The following RFTN1 variants were observed in gnomAD, a reference collection of about 807,000 sequenced individuals.
RFTN1 encodes raftlin, lipid raft linker 1, also known as raftlin.
RFTN1 carries 26 observed loss-of-function variants against 46.5 expected under a neutral mutation model. The ratio of observed to expected loss-of-function variants is 0.56; its 90% CI spans 0.41 to 0.78. RFTN1 has a LOEUF of 0.78. RFTN1 is among the 30% of genes least tolerant of loss of function. RFTN1 has a pLI of 0.00. For synonymous variants in RFTN1, 261 were observed against 284.2 expected (o/e 0.92, Z 0.82); for missense variants, 693 against 718.7 (o/e 0.96, Z 0.41).
chr3:16,412,003 T>C (rs1245621988), intron 3 of RFTN1, among the ~76,000 whole-genome samples: 1 of 152,200 alleles, frequency 6.6e-6, no homozygotes, highest in Non-Finnish European at 1.5e-5. Flanking sequence ...AAGTACCATC[T>C]CTGGTTCTGG....
At chr3:16,396,601 T>C (rs1194283315) in intron 4 of RFTN1, among the ~76,000 whole-genome samples, 1 of 152,198 alleles carries the variant, frequency 6.6e-6, no homozygotes, top group Non-Finnish European at 1.5e-5. Flanking sequence ...GCTCCAAATC[T>C]TTCCCTCCAT....
rs554957262 is a variant in RFTN1 at position 16,483,365 on chromosome 3, A to G, written c.145+10360T>C. 7.2e-5 allele frequency among the ~76,000 whole-genome samples: 11 copies of G among 152,150 alleles called. No individual in the cohort carries two copies. The highest frequency in any genetic ancestry group is 1.6e-4 in the Non-Finnish European group (11 of 67,984). Reference sequence around the variant, plus strand: ...CCTGTAAAGCACCCCCCTCCCTCCCAGAACCTGCAGGCACCAGCAGCCAGG... The same window carrying G: ...CCTGTAAAGCACCCCCCTCCCTCCCGGAACCTGCAGGCACCAGCAGCCAGG... On this transcript the variant is annotated intron_variant, in intron 2 of 9. Transcript: ENST00000334133. The surrounding 1 kb of genome is among the most constrained non-coding windows in gnomAD (Gnocchi z 4.8).
chr3:16,370,619 G>A lies in RFTN1; in HGVS notation c.827-340C>T, dbSNP rs1357359523. On this transcript the variant is annotated intron_variant, in intron 5 of 9. Transcript: ENST00000334133. The surrounding 1 kb of genome is among the most constrained non-coding windows in gnomAD (Gnocchi z 5.5). ...TGGTTCTAGAAATTCATACAAAGAT[G>A]TGTTTTAGAAATAAAAGCAGACATA... 6.6e-6 allele frequency among the ~76,000 whole-genome samples: 1 copy of A among 152,190 alleles called. No individual in the cohort carries two copies. Among genetic ancestry groups the A allele is most frequent in the Non-Finnish European group, 1.5e-5 (1 of 68,030 alleles).
In RFTN1 at chr3:16,426,364, G is replaced by A. The variant is rs574800623; in HGVS notation, c.332+7487C>T. Among the ~76,000 whole-genome samples the A allele has an allele frequency of 5.3e-5, 8 of 152,182 alleles. No homozygotes were observed. In the South Asian group the frequency reaches 1.7e-3, roughly 32 times the overall value. ...AAAATTAGACATGAAAAGACACAAG[G>A]CCACTTAAAGAGGACACTTTCGACT... On this transcript the variant is annotated intron_variant, in intron 3 of 9. Transcript: ENST00000334133. The surrounding 1 kb of genome is among the most constrained non-coding windows in gnomAD (Gnocchi z 5.9).
At chr3:16,445,926 T>C (rs936210714) in intron 2 of RFTN1, among the ~76,000 whole-genome samples, 3 of 152,172 alleles carry the variant, frequency 2.0e-5, no homozygotes, top group African/African-American at 4.8e-5. Context: ...TTGAAGTTTT[T>C]TTTTTTTTCC....
Position 16,348,977 on chromosome 3 carries a change from A to C in RFTN1, c.1146+8955T>G, listed in dbSNP as rs554242676. On this transcript the variant is annotated intron_variant, in intron 7 of 9. Transcript: ENST00000334133. The surrounding 1 kb of genome is among the most constrained non-coding windows in gnomAD (Gnocchi z 6.3). ...GCTAAAAGAGGTAAAAGAGGGACAGACAGCCATCCCAGGCTCCACTATCCA... is the reference window on the plus strand; with the variant it reads ...GCTAAAAGAGGTAAAAGAGGGACAGCCAGCCATCCCAGGCTCCACTATCCA... 3.9e-5 allele frequency among the ~76,000 whole-genome samples: 6 copies of C among 152,210 alleles called. No individual in the cohort carries two copies. The highest frequency in any genetic ancestry group is 2.1e-4 in the South Asian group (1 of 4,832).
chr3:16,476,752 G>A (rs899045265), intron 2 of RFTN1, among the ~76,000 whole-genome samples: 1 of 152,148 alleles, frequency 6.6e-6, no homozygotes, highest in Non-Finnish European at 1.5e-5. Context: ...CATCGTGGGG[G>A]AAACTGTTTG....
At position 16,365,088 on chromosome 3, in the gene RFTN1, G is replaced by A. The variant is rs192724052; in HGVS notation, c.1030+4988C>T. ...TGAGAAAATGCATTTAATGGCATAC[G>A]TGCAATTTAGCCCCTACATTATTAA... On this transcript the variant is annotated intron_variant, in intron 6 of 9. Transcript: ENST00000334133. Among the ~76,000 whole-genome samples the A allele has an allele frequency of 4.6e-5, 7 of 152,250 alleles. No individual in the cohort carries two copies. In the East Asian group the frequency reaches 9.6e-4, roughly 21 times the overall value.
At position 16,345,937 on chromosome 3, in the gene RFTN1, A is replaced by G. The variant is rs2071688657; in HGVS notation, c.1146+11995T>C. 1 of 152,244 alleles carries G rather than the reference A, an allele frequency of 6.6e-6. No individual in the cohort carries two copies. The highest frequency in any genetic ancestry group is 2.4e-5 in the African/African-American group (1 of 41,534). The allele number at this position is 152,244 out of a possible 1,614,324, so 9.4% of individuals were successfully genotyped here. On this transcript the variant is annotated intron_variant, in intron 7 of 9. Coordinates refer to ENST00000334133, the MANE Select transcript of RFTN1 (RefSeq NM_015150.2). The surrounding 1 kb of genome is among the most constrained non-coding windows in gnomAD (Gnocchi z 5.2). ...CTTGTTGTTCTGTGGCATACACTGA[A>G]TATTTTAAACCGCATTTGTCACAGG...
chr3:16,437,622 C>T (rs2075542076), intron 2 of RFTN1, among the ~76,000 whole-genome samples: 1 of 152,084 alleles, frequency 6.6e-6, no homozygotes. Flanking sequence ...GATCGCACCA[C>T]TGCACTCCAG....
Position 16,413,625 on chromosome 3 carries a change from T to C in RFTN1, c.333-4142A>G, listed in dbSNP as rs1047422106. ...ACAGTAAGAAAAAGAAAACACAGAATGCATTTCTGGAGACGTACACAGGGT... is the reference window on the plus strand; with the variant it reads ...ACAGTAAGAAAAAGAAAACACAGAACGCATTTCTGGAGACGTACACAGGGT... On this transcript the variant is annotated intron_variant, in intron 3 of 9. Transcript: ENST00000334133. This position sits in a 1 kb window ranked among gnomAD's most constrained non-coding sequence, Gnocchi z 4.7. 1.3e-5 allele frequency among the ~76,000 whole-genome samples: 2 copies of C among 152,200 alleles called. No homozygotes were observed. Among genetic ancestry groups the C allele is most frequent in the African/African-American group, 4.8e-5 (2 of 41,436 alleles).
chr3:16,373,390 G>A (rs1426671885), intron 5 of RFTN1, among the ~76,000 whole-genome samples: 1 of 152,238 alleles, frequency 6.6e-6, no homozygotes, highest in Non-Finnish European at 1.5e-5. Context: ...AGGTTAAGGG[G>A]GCATGGGGCC....
In RFTN1 at chr3:16,363,701, A is replaced by G. The variant is rs560004995; in HGVS notation, c.1031-5654T>C. On this transcript the variant is annotated intron_variant, in intron 6 of 9. Transcript: ENST00000334133. ...GCATTTGGTCTATTTTTGCAGGGTTAAAGACAAAGTGTTACTGTTCTCCTT... is the reference window on the plus strand; with the variant it reads ...GCATTTGGTCTATTTTTGCAGGGTTGAAGACAAAGTGTTACTGTTCTCCTT... Among the ~76,000 whole-genome samples, 4 of 152,330 alleles carry G rather than the reference A, an allele frequency of 2.6e-5. 1 individual carries two copies. The South Asian group carries it at 8.3e-4, about 32-fold the overall frequency.
rs1176613638 is a variant in RFTN1 at position 16,468,765 on chromosome 3, A to T, written c.145+24960T>A. ...AGCCAATTATCACCAATCATAAAAG[A>T]TGACTTATAAGAGGCCCTGGTGCCC... On this transcript the variant is annotated intron_variant, in intron 2 of 9. Coordinates refer to ENST00000334133, the MANE Select transcript of RFTN1 (RefSeq NM_015150.2). This position sits in a 1 kb window ranked among gnomAD's most constrained non-coding sequence, Gnocchi z 4.4. 6.6e-6 allele frequency among the ~76,000 whole-genome samples: 1 copy of T among 152,216 alleles called. No homozygotes were observed. The highest frequency in any genetic ancestry group is 1.5e-5 in the Non-Finnish European group (1 of 68,036).
At chr3:16,389,078 T>C (rs1215483594) in intron 4 of RFTN1, among the ~76,000 whole-genome samples, 1 of 152,240 alleles carries the variant, frequency 6.6e-6, no homozygotes, top group Non-Finnish European at 1.5e-5. Flanking sequence ...TGCTTTAACA[T>C]CCAGTATTCG....
intron 4 of RFTN1, among the ~76,000 whole-genome samples, chr3:16,395,554 A>AC (rs1005011768): frequency 6.6e-6 from 1 of 151,596 alleles, no homozygotes; most frequent in Non-Finnish European, 1.5e-5. Context: ...CAAGAGATCC[A>AC]CCCCCCTCGG....
Position 16,449,466 on chromosome 3 carries a change from T to C in RFTN1, c.146-15429A>G, listed in dbSNP as rs548292506. Among the ~76,000 whole-genome samples the C allele has an allele frequency of 1.3e-5, 2 of 152,304 alleles. No homozygotes were observed. The highest frequency in any genetic ancestry group is 4.8e-5 in the African/African-American group (2 of 41,576). ...TAACACCTTTCTCATCAGGCTGCTA[T>C]GAAGATTGAGATAATGCACATAAAG... On this transcript the variant is annotated intron_variant, in intron 2 of 9. Transcript: ENST00000334133. The surrounding 1 kb of genome is among the most constrained non-coding windows in gnomAD (Gnocchi z 5.1).
chr3:16,332,199 C>T (rs987692254), intron 7 of RFTN1, among the ~76,000 whole-genome samples: 1 of 151,696 alleles, frequency 6.6e-6, no homozygotes, highest in Non-Finnish European at 1.5e-5. Context: ...TAAGTTTTCT[C>T]CCCTCCCTTT....
Position 16,483,171 on chromosome 3 carries a change from T to C in RFTN1, c.145+10554A>G, listed in dbSNP as rs186056440. On this transcript the variant is annotated intron_variant, in intron 2 of 9. Transcript: ENST00000334133. This position sits in a 1 kb window ranked among gnomAD's most constrained non-coding sequence, Gnocchi z 4.8. ...ATCATATTTACAGAGAGGTAATAAATACCTCATTAAGGAAAGGCAAAACAA... is the reference window on the plus strand; with the variant it reads ...ATCATATTTACAGAGAGGTAATAAACACCTCATTAAGGAAAGGCAAAACAA... Among the ~76,000 whole-genome samples the C allele has an allele frequency of 2.1e-3, 325 of 152,310 alleles. 1 individual carries two copies. Among genetic ancestry groups the C allele is most frequent in the Non-Finnish European group, 3.2e-3 (221 of 68,016 alleles).
Sources: allele counts gnomAD v4.1 joint callset (sites outside exome capture counted in the v4.1 genomes callset), GRCh38; gene constraint gnomAD v4.1.1; non-coding constraint Gnocchi (gnomAD v3.1); transcripts MANE v1.5; gene names NCBI Gene and HGNC (gene_info 2026-07-23, HGNC 2026-07-21).